The following CDH8 variants were observed in gnomAD, a reference collection of about 807,000 sequenced individuals.
CDH8 encodes cadherin-8.
Under a neutral mutation model 68.1 loss-of-function variants are expected in CDH8, and 17 were observed. The ratio of observed to expected loss-of-function variants is 0.25; its 90% confidence interval spans 0.17 to 0.37. The LOEUF is 0.37. CDH8 is among the 10% of genes least tolerant of loss of function. The probability of loss-of-function intolerance (pLI) is 1.00; values close to 1 mark genes in which losing one functional copy is unlikely to be tolerated. For synonymous variants in CDH8, 372 were observed against 365.1 expected (o/e 1.02, Z -0.21); for missense variants, 763 against 999.3 (o/e 0.76, Z 3.19).
At chr16:61,811,549 T>G (rs1410401317) in intron 7 of CDH8, among the ~76,000 whole-genome samples, 1 of 152,148 alleles carries the variant, frequency 6.6e-6, no homozygotes, top group Non-Finnish European at 1.5e-5. Context: ...CACTTCTGAG[T>G]ATTTATCCCA....
At chr16:61,796,650 T>C (rs1427071589) in intron 7 of CDH8, among the ~76,000 whole-genome samples, 2 of 152,236 alleles carry the variant, frequency 1.3e-5, no homozygotes, top group Admixed American at 1.3e-4. Flanking sequence ...AGTATCCTGA[T>C]TGGCTTCTAA....
At chr16:62,020,507 C>T (rs1902047709) in intron 2 of CDH8, among the ~76,000 whole-genome samples, 1 of 150,864 alleles carries the variant, frequency 6.6e-6, no homozygotes, top group Non-Finnish European at 1.5e-5. Flanking sequence ...CGCACACACA[C>T]ACACACACAC....
intron 10 of CDH8, among the ~76,000 whole-genome samples, chr16:61,697,720 G>A (rs1364177504): frequency 6.6e-6 from 1 of 152,134 alleles, no homozygotes; most frequent in Non-Finnish European, 1.5e-5. Flanking sequence ...TGAACTCATG[G>A]CCTCAAGTGA....
intron 2 of CDH8, among the ~76,000 whole-genome samples, chr16:61,940,066 C>T (rs751207185): frequency 5.9e-5 from 9 of 152,186 alleles, no homozygotes; most frequent in Non-Finnish European, 1.0e-4. Flanking sequence ...CATTTTACCA[C>T]ATCAAAAATA....
At chr16:61,842,446 G>T (rs1241380973) in intron 4 of CDH8, among the ~76,000 whole-genome samples, 1 of 152,040 alleles carries the variant, frequency 6.6e-6, no homozygotes, top group African/African-American at 2.4e-5. Context: ...GATGTCTTAT[G>T]CAGCAACAAG....
chr16:61,825,466 A>T (rs1264705953), intron 4 of CDH8, among the ~76,000 whole-genome samples: 1 of 151,890 alleles, frequency 6.6e-6, no homozygotes, highest in Non-Finnish European at 1.5e-5. Flanking sequence ...TTGCCTACCA[A>T]ATTATAATGT....
At chr16:61,991,727 C>G (rs1191997971) in intron 2 of CDH8, among the ~76,000 whole-genome samples, 1 of 152,202 alleles carries the variant, frequency 6.6e-6, no homozygotes, top group African/African-American at 2.4e-5. Context: ...GTCTCCCTGA[C>G]TTTCCCCTTT....
At chr16:61,768,185 TG>T (rs1211675502) in intron 8 of CDH8, among the ~76,000 whole-genome samples, 4 of 151,930 alleles carry the variant, frequency 2.6e-5, no homozygotes, top group Admixed American at 6.6e-5. Flanking sequence ...TTGAAAAACA[TG>T]GAGTTAAAGC....
intron 3 of CDH8, among the ~76,000 whole-genome samples, chr16:61,873,091 T>G (rs1430605979): frequency 6.6e-6 from 1 of 152,240 alleles, no homozygotes; most frequent in East Asian, 1.9e-4. Context: ...GTAATGTTTC[T>G]ATGATTCTTT....
At chr16:61,755,247 T>C (rs921648569) in intron 8 of CDH8, among the ~76,000 whole-genome samples, 5 of 152,104 alleles carry the variant, frequency 3.3e-5, no homozygotes, top group Admixed American at 6.6e-5. Context: ...GTATTAATCT[T>C]AAGGAATGTA....
At chr16:61,768,354 CTCTCTCTCTCTCT>C (rs1960666569) in intron 8 of CDH8, among the ~76,000 whole-genome samples, 9 of 113,970 alleles carry the variant, frequency 7.9e-5, no homozygotes, top group African/African-American at 2.8e-4. Flanking sequence ...CTCTCTCTCT[CTCTCTCTCTCTCT>C]CCCTTTCTCT....
intron 10 of CDH8, among the ~76,000 whole-genome samples, chr16:61,697,579 C>T (rs747929): frequency 0.058 from 8,826 of 151,950 alleles, 891 homozygotes; most frequent in African/African-American, 0.2. Flanking sequence ...CTGCAAGCTC[C>T]ACCTCCCCAG....
intron 2 of CDH8, among the ~76,000 whole-genome samples, chr16:61,939,029 G>C (rs1290891130): frequency 1.3e-5 from 2 of 152,082 alleles, no homozygotes; most frequent in Admixed American, 6.6e-5. Context: ...AGGAAGATGA[G>C]GAAATCAACA....
At chr16:61,762,563 G>C (rs80152330) in intron 8 of CDH8, among the ~76,000 whole-genome samples, 1,538 of 152,224 alleles carry the variant, frequency 0.01, 10 homozygotes, top group South Asian at 0.023. Context: ...TGCAGTATGA[G>C]TGTTGCTTAG....
At position 61,746,410 on chromosome 16, in the gene CDH8, T is replaced by C. The variant is rs1960021735; in HGVS notation, c.1415-19195A>G. On this transcript the variant is annotated intron_variant, in intron 8 of 11. Coordinates refer to ENST00000577390, the MANE Select transcript of CDH8 (RefSeq NM_001796.5). ...ATTGAGGAGTCACCTCAATTTGTTT[T>C]CTTTCTCTCTGGTATCTGAGTTCCT... 2.0e-5 allele frequency among the ~76,000 whole-genome samples: 3 copies of C among 151,990 alleles called. No homozygotes were observed. In the South Asian group the frequency reaches 6.2e-4, roughly 32 times the overall value.
At chr16:61,730,959 T>A (rs1265856910) in intron 8 of CDH8, among the ~76,000 whole-genome samples, 2 of 151,586 alleles carry the variant, frequency 1.3e-5, no homozygotes, top group African/African-American at 4.8e-5. Flanking sequence ...AAAGTTTTTT[T>A]AAAAATAATT....
chr16:61,726,073 G>T (rs567860280), intron 9 of CDH8: 1 of 150,644 alleles, frequency 6.6e-6, no homozygotes, highest in South Asian at 2.1e-4. Flanking sequence ...TCTTTAGGGG[G>T]AAAAAATCTG....
chr16:61,832,362 A>AGATG (rs1200295918), intron 4 of CDH8, among the ~76,000 whole-genome samples: 1 of 151,452 alleles, frequency 6.6e-6, no homozygotes, highest in Non-Finnish European at 1.5e-5. Context: ...ATAGATAGAT[A>AGATG]GATAGATAGA....
At chr16:61,917,586 T>C (rs1254794135) in intron 2 of CDH8, among the ~76,000 whole-genome samples, 1 of 152,166 alleles carries the variant, frequency 6.6e-6, no homozygotes, top group East Asian at 1.9e-4. Flanking sequence ...TCATCATGAA[T>C]CCTAGGCTTC....
Sources: gnomAD v4.1 joint callset for allele counts (sites outside exome capture counted in the v4.1 genomes callset) on GRCh38, gnomAD v4.1.1 for gene constraint, MANE v1.5 for transcripts, NCBI Gene and HGNC (gene_info 2026-07-23, HGNC 2026-07-21) for gene names.